DNAJC3: variants seen among roughly 807,000 people sequenced by gnomAD.
DNAJC3 encodes the protein dnaJ homolog subfamily C member 3.
Under a neutral mutation model 68.6 loss-of-function variants are expected in DNAJC3, and 38 were observed. The observed-to-expected ratio is 0.55, with a 90% CI of 0.43 to 0.73. The LOEUF (loss-of-function observed/expected upper bound fraction) is 0.73. Ranked by LOEUF, DNAJC3 falls within the 30% of genes least tolerant of loss-of-function variation. DNAJC3 has a pLI of 0.00. For synonymous variants in DNAJC3, 203 were observed against 204.0 expected (o/e 1.00, Z 0.04); for missense variants, 526 against 591.9 (o/e 0.89, Z 1.16).
intron 1 of DNAJC3, among the ~76,000 whole-genome samples, chr13:95,683,113 A>G (rs542914679): frequency 2.0e-5 from 3 of 152,322 alleles, no homozygotes; most frequent in African/African-American, 7.2e-5. Flanking sequence ...AATGCAAAAT[A>G]TAGGAAGATT....
At chr13:95,770,483 C>A (rs994875274) in intron 9 of DNAJC3, among the ~76,000 whole-genome samples, 3 of 152,010 alleles carry the variant, frequency 2.0e-5, no homozygotes, top group Non-Finnish European at 4.4e-5. Context: ...TCTCTTTTCC[C>A]CTATAAAAAT....
At chr13:95,700,847 G>T (rs891017049) in intron 1 of DNAJC3, among the ~76,000 whole-genome samples, 4 of 152,128 alleles carry the variant, frequency 2.6e-5, no homozygotes, top group African/African-American at 9.7e-5. Context: ...GGATTATCAT[G>T]TAGATACTGA....
chr13:95,706,697 G>C (rs1880761136), intron 1 of DNAJC3, among the ~76,000 whole-genome samples: 1 of 152,140 alleles, frequency 6.6e-6, no homozygotes, highest in African/African-American at 2.4e-5. Context: ...CTTCTGGTAA[G>C]GGAGACTCAG....
In DNAJC3 at chr13:95,785,972, A is replaced by G. The variant is rs1883589297; in HGVS notation, c.1109A>G (p.Asn370Ser). Residue 370 changes from asparagine (N) to serine (S), a missense_variant, in exon 10 of 12, where the codon AAT becomes AGT. Physicochemically the swap from Asn to Ser is conservative, Grantham distance 46. Transcript: ENST00000602402. ...GATTATGAAACTGCTCAGGAACACAATGAAAATGATCAGCAGATTCGAGAA... is the reference window on the plus strand; with the variant it reads ...GATTATGAAACTGCTCAGGAACACAGTGAAAATGATCAGCAGATTCGAGAA... The part of the protein sequence containing the change: ...IQDYETAQEH[N>S]ENDQQIREGL... The G allele has an allele frequency of 2.5e-6, 4 of 1,610,694 alleles. No homozygotes were observed. Among genetic ancestry groups the G allele is most frequent in the South Asian group, 2.2e-5 (2 of 89,850 alleles).
At chr13:95,723,178 T>C in intron 2 of DNAJC3, 64 bp from the exon 3 acceptor site, 1 of 1,455,200 alleles carries the variant, frequency 6.9e-7, no homozygotes, top group Non-Finnish European at 9.3e-7. Flanking sequence ...CCAGGTGATT[T>C]GTTTTTTTTT....
In DNAJC3 at chr13:95,763,892, CA is replaced by C; in HGVS notation, c.1016del (p.Asn339MetfsTer2). Reference sequence around the variant, plus strand: ...CTGAAGTTTTACAGATGGAACCTGACAATGTGAATGCCCTGAAAGATCGAGC... The same window carrying C: ...CTGAAGTTTTACAGATGGAACCTGACATGTGAATGCCCTGAAAGATCGAGC... Reference protein sequence around the residue: ...CSEVLQMEPDNVNALKDRAEA... With the variant: ...CSEVLQMEPDXVNALKDRAEA... On this transcript the variant is annotated frameshift_variant, in exon 9 of 12. Transcript: ENST00000602402. LOFTEE classifies it high-confidence loss of function. 1 of 1,613,994 alleles carries C rather than the reference CA, an allele frequency of 6.2e-7. No individual in the cohort carries two copies. The highest frequency in any genetic ancestry group is 2.2e-5 in the East Asian group (1 of 44,864).
chr13:95,678,949 G>T (rs1187297785), intron 1 of DNAJC3, among the ~76,000 whole-genome samples: 1 of 152,066 alleles, frequency 6.6e-6, no homozygotes, highest in African/African-American at 2.4e-5. Context: ...TAGGACCATT[G>T]TCTGTGTAAA....
intron 1 of DNAJC3, among the ~76,000 whole-genome samples, chr13:95,698,747 A>C (rs1277604395): frequency 6.6e-6 from 1 of 152,218 alleles, no homozygotes. Context: ...GTGGGAGACC[A>C]TTTTATGTAA....
intron 9 of DNAJC3, among the ~76,000 whole-genome samples, chr13:95,771,083 A>T (rs1883144865): frequency 6.6e-6 from 1 of 152,092 alleles, no homozygotes; most frequent in Non-Finnish European, 1.5e-5. Context: ...CTAGCCCTCC[A>T]TTTATCCATC....
At chr13:95,780,401 G>C (rs1021674864) in intron 9 of DNAJC3, among the ~76,000 whole-genome samples, 11 of 152,132 alleles carry the variant, frequency 7.2e-5, no homozygotes, top group African/African-American at 2.4e-4. Flanking sequence ...TAGATTTCCT[G>C]GTTCCTGCAA....
intron 7 of DNAJC3, among the ~76,000 whole-genome samples, chr13:95,762,727 C>G (rs777741561): frequency 6.6e-6 from 1 of 152,060 alleles, no homozygotes; most frequent in Non-Finnish European, 1.5e-5. Flanking sequence ...GGTATTAAGC[C>G]CCACATGCAT....
chr13:95,726,136 C>G (rs1334637287), intron 4 of DNAJC3, among the ~76,000 whole-genome samples: 1 of 151,776 alleles, frequency 6.6e-6, no homozygotes, highest in South Asian at 2.1e-4. Context: ...AATAAACATA[C>G]GTGTGCATGT....
chr13:95,708,133 G>A (rs949771867), intron 1 of DNAJC3, among the ~76,000 whole-genome samples: 4 of 152,164 alleles, frequency 2.6e-5, no homozygotes, highest in Non-Finnish European at 4.4e-5. Context: ...CATGCAGCAG[G>A]AGCCAGAAGA....
At position 95,714,482 on chromosome 13, in the gene DNAJC3, A is replaced by G. The variant is rs1376073813; in HGVS notation, c.193+5145A>G. Among the ~76,000 whole-genome samples, 3 of 152,104 alleles carry G rather than the reference A, an allele frequency of 2.0e-5. No individual in the cohort carries two copies. The East Asian group carries it at 5.8e-4, about 29-fold the overall frequency. ...GAAATATAATTTTTGTGTCTCTGAA[A>G]ATTAAGGCTTTTCTAAAAACAGGTT... On this transcript the variant is annotated intron_variant, in intron 2 of 11. Transcript: ENST00000602402.
Position 95,691,937 on chromosome 13 carries a change from C to G in DNAJC3, c.82+14600C>G, listed in dbSNP as rs537978543. ...AGGCGTGGCGGCGCGCGCCTGCAAT[C>G]GCAGGCACTGGGCAGGTTGAGGCAG... On this transcript the variant is annotated intron_variant, in intron 1 of 11. Transcript: ENST00000602402. Among the ~76,000 whole-genome samples, 3 of 152,310 alleles carry G rather than the reference C, an allele frequency of 2.0e-5. No homozygotes were observed. In the South Asian group the frequency reaches 6.2e-4, roughly 32 times the overall value.
intron 1 of DNAJC3, among the ~76,000 whole-genome samples, chr13:95,685,337 C>A (rs1189035589): frequency 6.6e-6 from 1 of 152,214 alleles, no homozygotes; most frequent in Admixed American, 6.5e-5. Flanking sequence ...GTGCATGGGG[C>A]CCGTAGCCTT....
intron 4 of DNAJC3, among the ~76,000 whole-genome samples, chr13:95,743,199 A>G (rs1341184193): frequency 6.6e-6 from 1 of 152,186 alleles, no homozygotes; most frequent in African/African-American, 2.4e-5. Context: ...TAAAAGAAAA[A>G]CTTTTGAGAA....
chr13:95,716,049 T>C (rs1212314501), intron 2 of DNAJC3, among the ~76,000 whole-genome samples: 1 of 151,892 alleles, frequency 6.6e-6, no homozygotes, highest in Non-Finnish European at 1.5e-5. Context: ...TCCCAGCTAC[T>C]TGGGAAGCTG....
chr13:95,740,395 C>T (rs1242133112), intron 4 of DNAJC3, among the ~76,000 whole-genome samples: 4 of 152,066 alleles, frequency 2.6e-5, no homozygotes, highest in South Asian at 4.1e-4. Context: ...CAATGGCGGG[C>T]GCCCCTCCCC....
Sources: gnomAD v4.1 joint callset for allele counts (sites outside exome capture counted in the v4.1 genomes callset) on GRCh38, gnomAD v4.1.1 for gene constraint, MANE v1.5 for transcripts, NCBI Gene and HGNC (gene_info 2026-07-23, HGNC 2026-07-21) for gene names.